The following FAM107B variants were observed in gnomAD, a reference collection of about 807,000 sequenced individuals.
The protein encoded by FAM107B is family with sequence similarity 107 member B, also known as protein FAM107B.
A neutral mutation model predicts 31.5 loss-of-function variants in FAM107B; 21 were observed. The observed-to-expected ratio is 0.67, with a 90% CI of 0.47 to 0.96. The LOEUF is 0.96. Ranked by LOEUF, FAM107B falls within the 40% of genes least tolerant of loss-of-function variation. The pLI is 0.00. For missense variants in FAM107B, 452 were observed against 377.1 expected, an observed-to-expected ratio of 1.20 and a Z score of -1.64; for synonymous variants, 157 against 141.5, an observed-to-expected ratio of 1.11 and a Z score of -0.78.
chr10:14,579,096 G>C (rs990402095), intron 2 of FAM107B, among the ~76,000 whole-genome samples: 14 of 152,170 alleles, frequency 9.2e-5, no homozygotes, highest in Admixed American at 8.5e-4. Flanking sequence ...CCCATTCGTT[G>C]TATGAAGCAC....
intron 1 of FAM107B, among the ~76,000 whole-genome samples, chr10:14,672,982 A>G (rs1435041501): frequency 6.6e-6 from 1 of 152,220 alleles, no homozygotes; most frequent in Non-Finnish European, 1.5e-5. Flanking sequence ...CAATAATTAA[A>G]GAGGCTTGGT....
chr10:14,720,254 T>C (rs1036977959), intron 1 of FAM107B, among the ~76,000 whole-genome samples: 5 of 152,118 alleles, frequency 3.3e-5, no homozygotes, highest in Admixed American at 1.3e-4. Context: ...TGTTTTTTGG[T>C]AATTTTTTTT....
At chr10:14,553,985 T>A in intron 2 of FAM107B, 3 of 457,550 alleles carry the variant, frequency 6.6e-6, no homozygotes, top group Non-Finnish European at 8.6e-6. Flanking sequence ...TCTGAGCCCG[T>A]TTTTCCTTGT....
intron 2 of FAM107B, chr10:14,554,052 C>T: frequency 2.1e-6 from 2 of 958,892 alleles, no homozygotes; most frequent in South Asian, 4.8e-5. Context: ...CTAAGAGGCT[C>T]ACTGCCACAC....
At chr10:14,570,757 G>A (rs778755936) in intron 2 of FAM107B, among the ~76,000 whole-genome samples, 1 of 148,090 alleles carries the variant, frequency 6.8e-6, no homozygotes, top group Non-Finnish European at 1.5e-5. Flanking sequence ...GGCTAAGACT[G>A]CACCACTGCA....
chr10:14,604,220 A>G, intron 2 of FAM107B: 1 of 979,236 alleles, frequency 1.0e-6, no homozygotes, highest in Non-Finnish European at 1.2e-6. Context: ...GTGGAAAGTA[A>G]GTGCGGGAGG....
chr10:14,644,749 C>T (rs1228807527), intron 2 of FAM107B, among the ~76,000 whole-genome samples: 2 of 152,158 alleles, frequency 1.3e-5, no homozygotes, highest in East Asian at 1.9e-4. Flanking sequence ...CACACAAATG[C>T]AAGTATTGGT....
intron 1 of FAM107B, among the ~76,000 whole-genome samples, chr10:14,729,159 T>C (rs1215931218): frequency 1.3e-5 from 2 of 151,430 alleles, no homozygotes; most frequent in South Asian, 2.1e-4. Flanking sequence ...TACCTGGCTA[T>C]TTTTTTTTAT....
At chr10:14,593,142 A>G (rs1852074033) in intron 2 of FAM107B, among the ~76,000 whole-genome samples, 2 of 152,146 alleles carry the variant, frequency 1.3e-5, no homozygotes, top group Non-Finnish European at 2.9e-5. Flanking sequence ...TTAAATTAAA[A>G]TTTAATATTA....
At chr10:14,768,308 TAGAG>T (rs1363578099) in intron 1 of FAM107B, among the ~76,000 whole-genome samples, 1 of 152,230 alleles carries the variant, frequency 6.6e-6, no homozygotes, top group Non-Finnish European at 1.5e-5. Flanking sequence ...CTAAAATTTA[TAGAG>T]AATCTCAAGA....
At chr10:14,546,123 T>G (rs1357776790) in intron 2 of FAM107B, among the ~76,000 whole-genome samples, 3 of 152,198 alleles carry the variant, frequency 2.0e-5, no homozygotes, top group African/African-American at 7.2e-5. Flanking sequence ...TGACAGAAAC[T>G]TTAGAAGGAA....
intron 2 of FAM107B, among the ~76,000 whole-genome samples, chr10:14,649,475 A>G (rs1853845170): frequency 6.6e-6 from 1 of 152,196 alleles, no homozygotes; most frequent in South Asian, 2.1e-4. Context: ...GAAGCCTGCT[A>G]TCTGGAGGCT....
At chr10:14,596,258 C>A (rs1852185776) in intron 2 of FAM107B, among the ~76,000 whole-genome samples, 1 of 152,142 alleles carries the variant, frequency 6.6e-6, no homozygotes, top group Non-Finnish European at 1.5e-5. Context: ...CCACCAGACT[C>A]CAGCCCCCTG....
intron 2 of FAM107B, among the ~76,000 whole-genome samples, chr10:14,564,156 G>A (rs1850469198): frequency 6.6e-6 from 1 of 152,036 alleles, no homozygotes; most frequent in African/African-American, 2.4e-5. Context: ...TTTTAAAACA[G>A]TGTAAAGGGG....
At chr10:14,737,521 G>C (rs150786948) in intron 1 of FAM107B, among the ~76,000 whole-genome samples, 2,422 of 152,172 alleles carry the variant, frequency 0.016, 62 homozygotes, top group African/African-American at 0.05. Flanking sequence ...GGCTGAGGCA[G>C]AAGAATTGCT....
At chr10:14,635,622 GT>G (rs1853478099) in intron 2 of FAM107B, among the ~76,000 whole-genome samples, 1 of 151,792 alleles carries the variant, frequency 6.6e-6, no homozygotes, top group Non-Finnish European at 1.5e-5. Context: ...AACTTGGAAT[GT>G]GTTTTTCTAT....
At chr10:14,585,899 T>G (rs1374166029) in intron 2 of FAM107B, among the ~76,000 whole-genome samples, 1 of 152,106 alleles carries the variant, frequency 6.6e-6, no homozygotes, top group African/African-American at 2.4e-5. Context: ...TGTTACTAAT[T>G]ACACCTGGAC....
Position 14,518,730 on chromosome 10 carries a change from TCAAA to T in FAM107B, c.*2456_*2459del, listed in dbSNP as rs954940557. 2.0e-5 allele frequency: 3 copies of T among 152,714 alleles called. No homozygotes were observed. The highest frequency in any genetic ancestry group is 4.8e-5 in the African/African-American group (2 of 41,548). The allele number at this position is 152,714 out of a possible 1,614,324, so 9.5% of individuals were successfully genotyped here. ...CTCCCTTTATATATATTATATACAC[TCAAA>T]CAAGTCAAGATTTTTCAGAGTAGAA... On this transcript the variant is annotated 3_prime_UTR_variant, in exon 5 of 5. Coordinates refer to ENST00000181796, the MANE Select transcript of FAM107B (RefSeq NM_031453.4).
In FAM107B at chr10:14,547,983, G is replaced by A. The variant is rs1351751874; in HGVS notation, c.470-17468C>T. 2.6e-5 allele frequency among the ~76,000 whole-genome samples: 4 copies of A among 152,312 alleles called. No homozygotes were observed. The South Asian group carries it at 8.3e-4, about 32-fold the overall frequency. ...CATGGCCCCGGCCCTTTTAATTAAA[G>A]TCTGTTTTCCCACTTCCCTCTCTTC... On this transcript the variant is annotated intron_variant, in intron 2 of 4. Transcript: ENST00000181796.
Sources: allele counts gnomAD v4.1 joint callset (sites outside exome capture counted in the v4.1 genomes callset), GRCh38; gene constraint gnomAD v4.1.1; transcripts MANE v1.5; gene names NCBI Gene and HGNC (gene_info 2026-07-23, HGNC 2026-07-21).